Variants in KLHL2 observed in about 807,000 individuals in gnomAD.
The protein encoded by KLHL2 is kelch-like protein 2.
Under a neutral mutation model 75.8 loss-of-function variants are expected in KLHL2, and 15 were observed. The observed-to-expected ratio is 0.20, with a 90% CI of 0.13 to 0.30. The LOEUF (loss-of-function observed/expected upper bound fraction) is 0.30, where lower values mean the gene tolerates loss of function less well. Ranked by LOEUF, KLHL2 falls within the 10% of genes least tolerant of loss-of-function variation. KLHL2 has a pLI of 1.00. For missense variants in KLHL2, 381 were observed against 741.0 expected (o/e 0.51, Z 5.64); for synonymous variants, 214 against 251.9 (o/e 0.85, Z 1.42).
chr4:165,291,711 T>C lies in KLHL2; in HGVS notation c.545-2648T>C, dbSNP rs942638031. 8.5e-5 allele frequency among the ~76,000 whole-genome samples: 13 copies of C among 152,332 alleles called. No homozygotes were observed. In the East Asian group the frequency reaches 1.5e-3, roughly 18 times the overall value. ...AGTCATCCCTTGGTATCCACATCCA[T>C]GGGGTATTGATTCTAGGACCCCCAA... On this transcript the variant is annotated intron_variant, in intron 5 of 14. Transcript: ENST00000226725.
intron 5 of KLHL2, among the ~76,000 whole-genome samples, chr4:165,292,366 T>C (rs1273819104): frequency 6.6e-6 from 1 of 151,902 alleles, no homozygotes; most frequent in Non-Finnish European, 1.5e-5. Flanking sequence ...AGAATCTTAC[T>C]CTGTTGCCCA....
chr4:165,228,445 A>G (rs184408321), intron 2 of KLHL2, among the ~76,000 whole-genome samples: 67 of 150,590 alleles, frequency 4.4e-4, no homozygotes, highest in African/African-American at 1.3e-3. Context: ...CTTCATCTTC[A>G]TGTCAGACTA....
chr4:165,282,813 TAGTA>T, intron 5 of KLHL2, among the ~76,000 whole-genome samples: 1 of 150,438 alleles, frequency 6.6e-6, no homozygotes, highest in East Asian at 1.9e-4. Context: ...GAACTTCTAA[TAGTA>T]AGTGTTTGTA....
At position 165,207,874 on chromosome 4, in the gene KLHL2, A is replaced by G. The variant is rs1459663794; in HGVS notation, c.-3A>G. ...TGCGTTCTGAAGCCCGAGAGGAGCC[A>G]CAATGGAGACGCCGCCGCTGCCTCC... On this transcript the variant is annotated 5_prime_UTR_variant, in exon 1 of 15. Coordinates refer to ENST00000226725, the MANE Select transcript of KLHL2 (RefSeq NM_007246.4). The surrounding 1 kb of genome is among the most constrained non-coding windows in gnomAD (Gnocchi z 4.2). 1 of 1,447,544 alleles carries G rather than the reference A, an allele frequency of 6.9e-7. No homozygotes were observed. Among genetic ancestry groups the G allele is most frequent in the Non-Finnish European group, 9.1e-7 (1 of 1,093,388 alleles). The allele number at this position is 1,447,544 out of a possible 1,614,324, so 89.7% of individuals were successfully genotyped here.
intron 4 of KLHL2, among the ~76,000 whole-genome samples, chr4:165,254,802 C>T (rs1741032082): frequency 6.6e-6 from 1 of 152,178 alleles, no homozygotes; most frequent in South Asian, 2.1e-4. Context: ...CAAATTTTCC[C>T]TGATTACATC....
chr4:165,317,529 T>C (rs549677277), intron 13 of KLHL2, among the ~76,000 whole-genome samples: 34 of 152,080 alleles, frequency 2.2e-4, no homozygotes, highest in Non-Finnish European at 4.0e-4. Flanking sequence ...CATGCCTGGC[T>C]GATTTTTGTA....
chr4:165,245,326 C>G (rs146700006), intron 4 of KLHL2, among the ~76,000 whole-genome samples: 1 of 152,102 alleles, frequency 6.6e-6, no homozygotes, highest in Admixed American at 6.5e-5. Flanking sequence ...TCAGGACTTT[C>G]GTGGTGTTGG....
intron 9 of KLHL2, among the ~76,000 whole-genome samples, chr4:165,308,876 G>A (rs966490249): frequency 1.3e-5 from 2 of 152,124 alleles, no homozygotes; most frequent in South Asian, 2.1e-4. Context: ...TGCTAGCAGG[G>A]GGCCAAAACA....
chr4:165,217,769 C>G (rs1209600123), intron 1 of KLHL2, among the ~76,000 whole-genome samples: 1 of 152,210 alleles, frequency 6.6e-6, no homozygotes, highest in African/African-American at 2.4e-5. Context: ...TCCCACATTT[C>G]TGACTCCAGC....
chr4:165,252,227 AT>A (rs373465392), intron 4 of KLHL2, among the ~76,000 whole-genome samples: 44,974 of 149,968 alleles, frequency 0.3, 7,123 homozygotes, highest in African/African-American at 0.39. Flanking sequence ...TTCAAAGTGG[AT>A]TTTTTTTTTC....
intron 4 of KLHL2, among the ~76,000 whole-genome samples, chr4:165,247,637 A>C (rs1027924570): frequency 3.3e-5 from 5 of 152,226 alleles, no homozygotes; most frequent in Non-Finnish European, 5.9e-5. Flanking sequence ...GAGAGAAGGC[A>C]GACTGTGTTG....
intron 4 of KLHL2, among the ~76,000 whole-genome samples, chr4:165,243,156 A>G (rs1450973359): frequency 6.6e-6 from 1 of 152,234 alleles, no homozygotes; most frequent in Non-Finnish European, 1.5e-5. Context: ...CTATGTCATT[A>G]GATGTGTTAA....
chr4:165,312,887 C>T (rs1185482750), intron 11 of KLHL2, among the ~76,000 whole-genome samples: 1 of 152,048 alleles, frequency 6.6e-6, no homozygotes, highest in Non-Finnish European at 1.5e-5. Context: ...ACCTTTTTTC[C>T]GATTTCCTAA....
chr4:165,316,236 C>T (rs1225918832), intron 13 of KLHL2, among the ~76,000 whole-genome samples: 1 of 152,154 alleles, frequency 6.6e-6, no homozygotes, highest in Non-Finnish European at 1.5e-5. Context: ...GTGAGCCCCT[C>T]ATAGATATGA....
Position 165,207,882 on chromosome 4 carries a change from G to A in KLHL2, c.6G>A (p.Glu2=). ...GAAGCCCGAGAGGAGCCACAATGGAGACGCCGCCGCTGCCTCCCGCGTGAG... is the reference window on the plus strand; with the variant it reads ...GAAGCCCGAGAGGAGCCACAATGGAAACGCCGCCGCTGCCTCCCGCGTGAG... M[E]TPPLPPACTK... is the part of the protein sequence containing the mutation. Residue 2 remains glutamate (E), a synonymous_variant, in exon 1 of 15, where the codon GAG becomes GAA. Coordinates refer to ENST00000226725, the MANE Select transcript of KLHL2 (RefSeq NM_007246.4). This position sits in a 1 kb window ranked among gnomAD's most constrained non-coding sequence, Gnocchi z 4.2. 2 of 1,446,466 alleles carry A rather than the reference G, an allele frequency of 1.4e-6. No individual in the cohort carries two copies. The highest frequency in any genetic ancestry group is 2.2e-4 in the Middle Eastern group (1 of 4,534). 89.6% of individuals were successfully genotyped at this position (1,446,466 alleles called of 1,614,324 possible). A position where few individuals can be genotyped will look rare whatever the true frequency, so the allele number is the denominator to read the frequency against.
At chr4:165,217,973 G>C (rs544306094) in intron 1 of KLHL2, among the ~76,000 whole-genome samples, 59 of 152,118 alleles carry the variant, frequency 3.9e-4, no homozygotes, top group Non-Finnish European at 7.4e-4. Flanking sequence ...CAGGCCAAAA[G>C]ACTTGGAGTC....
intron 5 of KLHL2, among the ~76,000 whole-genome samples, chr4:165,280,766 G>A (rs994419126): frequency 4.6e-5 from 7 of 152,180 alleles, no homozygotes; most frequent in Non-Finnish European, 1.0e-4. Flanking sequence ...TCTCTGCTAT[G>A]CCTTGTTGAC....
intron 5 of KLHL2, among the ~76,000 whole-genome samples, chr4:165,285,143 A>G (rs111430944): frequency 0.073 from 11,176 of 152,252 alleles, 624 homozygotes; most frequent in Non-Finnish European, 0.11. Context: ...TGATGTGTGT[A>G]AACTACAGCC....
Position 165,207,948 on chromosome 4 carries a change from C to A in KLHL2, c.26+46C>A, listed in dbSNP as rs1736940405. On this transcript the variant is annotated intron_variant, in intron 1 of 14. Transcript: ENST00000226725. The surrounding 1 kb of genome is among the most constrained non-coding windows in gnomAD (Gnocchi z 4.2). ...GCTGCGCCGCTGCGGATAAGCGCGCCGCTGCGGCGCGTGTCGCCGGCCGCG... is the reference window on the plus strand; with the variant it reads ...GCTGCGCCGCTGCGGATAAGCGCGCAGCTGCGGCGCGTGTCGCCGGCCGCG... The A allele has an allele frequency of 7.8e-7, 1 of 1,290,086 alleles. No individual in the cohort carries two copies. The highest frequency in any genetic ancestry group is 4.3e-5 in the Admixed American group (1 of 23,480). The allele number at this position is 1,290,086 out of a possible 1,614,324, so 79.9% of individuals were successfully genotyped here.
Sources: gnomAD v4.1 joint callset for allele counts (sites outside exome capture counted in the v4.1 genomes callset) on GRCh38, gnomAD v4.1.1 for gene constraint, Gnocchi (gnomAD v3.1) non-coding constraint, MANE v1.5 for transcripts, NCBI Gene and HGNC (gene_info 2026-07-23, HGNC 2026-07-21) for gene names.